NFIB: variants seen among roughly 807,000 people sequenced by gnomAD.
NFIB encodes the protein nuclear factor I B.
Under a neutral mutation model 61.5 loss-of-function variants are expected in NFIB, and 11 were observed. That is an observed-to-expected ratio of 0.18 (90% CI 0.11 to 0.30). NFIB has a LOEUF of 0.30. Among genes scored for constraint, NFIB ranks in the 10% least tolerant of loss-of-function variants. The pLI, the probability that NFIB is intolerant of heterozygous loss-of-function variation, is 1.00. For missense variants in NFIB, 471 were observed against 608.9 expected, an observed-to-expected ratio of 0.77 and a Z score of 2.38; for synonymous variants, 260 against 216.5, an observed-to-expected ratio of 1.20 and a Z score of -1.76.
rs570489497 is a variant in NFIB at position 14,086,069 on chromosome 9, T to C, written c.*2240A>G. On this transcript the variant is annotated 3_prime_UTR_variant, in exon 11 of 11. Coordinates refer to ENST00000380953, the MANE Select transcript of NFIB (RefSeq NM_001190737.2). ...TTGCTTGTTCTTACTATTGTGTTGTTATGAAAACCAGTAATGAGTTCAGCT... is the reference window on the plus strand; with the variant it reads ...TTGCTTGTTCTTACTATTGTGTTGTCATGAAAACCAGTAATGAGTTCAGCT... The C allele has an allele frequency of 4.4e-6, 1 of 226,730 alleles. No individual in the cohort carries two copies. Among genetic ancestry groups the C allele is most frequent in the East Asian group, 6.3e-5 (1 of 15,854 alleles). 14.0% of individuals were successfully genotyped at this position (226,730 alleles called of 1,614,324 possible). A position where few individuals can be genotyped will look rare whatever the true frequency, so the allele number is the denominator to read the frequency against.
the NFIB span, among the ~76,000 whole-genome samples, chr9:14,432,791 C>T: frequency 5.4e-3 from 828 of 152,254 alleles, 6 homozygotes; most frequent in African/African-American, 0.018. Flanking sequence ...GACATAAGCA[C>T]ATTTTACTTA....
chr9:14,392,294 C>T (rs950631555), intron 1 of NFIB, among the ~76,000 whole-genome samples: 1 of 152,182 alleles, frequency 6.6e-6, no homozygotes, highest in Non-Finnish European at 1.5e-5. Context: ...CATTGTCTAT[C>T]AACATTGGTT....
chr9:14,176,987 T>G (rs567510254), intron 3 of NFIB, among the ~76,000 whole-genome samples: 15 of 152,196 alleles, frequency 9.9e-5, no homozygotes, highest in Non-Finnish European at 1.8e-4. Context: ...CGGTAGCAAT[T>G]TCCATGGGTT....
chr9:14,477,730 T>G, the NFIB span, among the ~76,000 whole-genome samples: 1 of 152,226 alleles, frequency 6.6e-6, no homozygotes, highest in South Asian at 2.1e-4. Context: ...TCTTACTTCA[T>G]AATCCATATA....
exon 1 of NFIB, chr9:14,398,975 T>G (rs931470176): frequency 2.1e-5 from 5 of 241,336 alleles, no homozygotes; most frequent in African/African-American, 1.1e-4. Context: ...AGACCTGTAC[T>G]GCCCAATATA....
intron 6 of NFIB, among the ~76,000 whole-genome samples, chr9:14,130,431 T>C (rs978664929): frequency 1.3e-5 from 2 of 152,220 alleles, no homozygotes; most frequent in African/African-American, 4.8e-5. Context: ...GAACAATGTT[T>C]TATCCACTGA....
At chr9:14,425,607 A>ATTTTTTTTTTTTTTTTTTTT in the NFIB span, among the ~76,000 whole-genome samples, 12 of 99,048 alleles carry the variant, frequency 1.2e-4, 1 homozygote, top group South Asian at 3.8e-4. Flanking sequence ...TTGCTACATA[A>ATTTTTTTTTTTTTTTTTTTT]TTTTTTTTTT....
chr9:14,146,677 C>T lies in NFIB; in HGVS notation c.925+12G>A. ...TACTCATGGTCTCTAGAGGCATCTC[C>T]TTATTACTCACCTTGATCTCTTTCG... is the stretch of plus-strand genomic sequence containing the variant. On this transcript the variant is annotated intron_variant, in intron 6 of 10. Coordinates refer to ENST00000380953, the MANE Select transcript of NFIB (RefSeq NM_001190737.2). 1 of 1,612,956 alleles carries T rather than the reference C, an allele frequency of 6.2e-7. No homozygotes were observed. The highest frequency in any genetic ancestry group is 8.5e-7 in the Non-Finnish European group (1 of 1,179,352).
the NFIB span, among the ~76,000 whole-genome samples, chr9:14,463,903 G>C: frequency 1.3e-5 from 2 of 152,020 alleles, 1 homozygote; most frequent in South Asian, 4.1e-4. Context: ...CTCGTGGTCC[G>C]ACCGCCTCGG....
At chr9:14,211,016 CT>C (rs1259946803) in intron 2 of NFIB, among the ~76,000 whole-genome samples, 1 of 152,130 alleles carries the variant, frequency 6.6e-6, no homozygotes, top group Non-Finnish European at 1.5e-5. Context: ...ATTTTTGTCT[CT>C]GTTTGGACTG....
the NFIB span, among the ~76,000 whole-genome samples, chr9:14,510,609 CTTTT>C: frequency 8.5e-5 from 13 of 152,138 alleles, no homozygotes; most frequent in Admixed American, 6.6e-5. Context: ...ACTAATCTCT[CTTTT>C]GTTTTCCTAC....
intron 3 of NFIB, among the ~76,000 whole-genome samples, chr9:14,161,502 C>CATAT (rs980660146): frequency 6.7e-6 from 1 of 149,762 alleles, no homozygotes; most frequent in South Asian, 2.1e-4. Flanking sequence ...ACTTTTTCCG[C>CATAT]ATATATATAT....
chr9:14,393,104 C>T (rs943979504), intron 1 of NFIB, among the ~76,000 whole-genome samples: 4 of 152,214 alleles, frequency 2.6e-5, no homozygotes, highest in African/African-American at 9.6e-5. Flanking sequence ...TTGTATTATG[C>T]CTCTGGATTA....
chr9:14,126,105 A>G (rs1027603236), intron 6 of NFIB, among the ~76,000 whole-genome samples: 1 of 152,204 alleles, frequency 6.6e-6, no homozygotes, highest in African/African-American at 2.4e-5. Flanking sequence ...TCTGAGATTT[A>G]TATGATTCAG....
the NFIB span, among the ~76,000 whole-genome samples, chr9:14,528,496 G>T: frequency 1.7e-4 from 26 of 152,088 alleles, no homozygotes; most frequent in African/African-American, 6.3e-4. Context: ...ATTCACTGTG[G>T]TTACTATTTA....
intron 2 of NFIB, among the ~76,000 whole-genome samples, chr9:14,270,539 G>T (rs926597730): frequency 1.7e-5 from 2 of 121,022 alleles, no homozygotes; most frequent in African/African-American, 6.2e-5. Flanking sequence ...TTAATCTAGT[G>T]AAGGGGAGTG....
chr9:14,353,873 G>C (rs1238708086), intron 1 of NFIB, among the ~76,000 whole-genome samples: 1 of 68,540 alleles, frequency 1.5e-5, no homozygotes, highest in Admixed American at 1.7e-4. Flanking sequence ...TTTTTTTTTT[G>C]CATGCAATTG....
chr9:14,524,208 G>T, the NFIB span, among the ~76,000 whole-genome samples: 3 of 152,114 alleles, frequency 2.0e-5, no homozygotes, highest in African/African-American at 7.2e-5. Flanking sequence ...GCACACTTGA[G>T]CAACTAAATA....
chr9:14,102,387 T>TGTAA (rs1347460501), intron 10 of NFIB: 15 of 1,493,676 alleles, frequency 1.0e-5, no homozygotes, highest in Middle Eastern at 1.7e-4. Context: ...AATTTTTAGG[T>TGTAA]GTAAGTGTAG....
Sources: allele counts gnomAD v4.1 joint callset (sites outside exome capture counted in the v4.1 genomes callset), GRCh38; gene constraint gnomAD v4.1.1; transcripts MANE v1.5; gene names NCBI Gene and HGNC (gene_info 2026-07-23, HGNC 2026-07-21).